Variants in LIN9 observed in about 807,000 individuals in gnomAD.
LIN9 encodes the protein protein lin-9 homolog.
Under a neutral mutation model 78.0 loss-of-function variants are expected in LIN9, and 18 were observed. The ratio of observed to expected loss-of-function variants is 0.23; its 90% CI spans 0.16 to 0.34. LIN9 has a LOEUF of 0.34. Among genes scored for constraint, LIN9 ranks in the 10% least tolerant of loss-of-function variants. The pLI is 1.00. For missense variants in LIN9, 451 were observed against 644.1 expected (o/e 0.70, Z 3.25); for synonymous variants, 192 against 215.2 (o/e 0.89, Z 0.94).
upstream of LIN9, chr1:226,309,528 C>G (rs899849968): frequency 4.5e-5 from 53 of 1,174,932 alleles, no homozygotes; most frequent in Non-Finnish European, 5.1e-5. Flanking sequence ...CTGTTTGTTC[C>G]GAGTGGAGAA....
At chr1:226,308,500 A>C (rs1472753672) in intron 1 of LIN9, among the ~76,000 whole-genome samples, 1 of 152,172 alleles carries the variant, frequency 6.6e-6, no homozygotes, top group African/African-American at 2.4e-5. Context: ...GTCCACAGCC[A>C]CCTGTGGTCC....
intron 12 of LIN9, among the ~76,000 whole-genome samples, chr1:226,234,751 C>T (rs1444454500): frequency 2.0e-5 from 3 of 152,130 alleles, no homozygotes; most frequent in African/African-American, 4.8e-5. Flanking sequence ...CTCACTTATA[C>T]ATATAGCATA....
chr1:226,276,594 A>G (rs1207298396), intron 7 of LIN9, among the ~76,000 whole-genome samples: 1 of 152,190 alleles, frequency 6.6e-6, no homozygotes, highest in Non-Finnish European at 1.5e-5. Flanking sequence ...GGAAACAAGT[A>G]CCACTTTTAT....
chr1:226,285,322 A>AT (rs902588389), intron 6 of LIN9, among the ~76,000 whole-genome samples: 3 of 152,100 alleles, frequency 2.0e-5, no homozygotes, highest in African/African-American at 7.2e-5. Context: ...ACTAAATAAC[A>AT]TATCAAATTT....
intron 6 of LIN9, among the ~76,000 whole-genome samples, chr1:226,279,973 C>T (rs1255245035): frequency 6.6e-6 from 1 of 152,134 alleles, no homozygotes; most frequent in East Asian, 1.9e-4. Context: ...AGTTCCATTT[C>T]AATATTCTAC....
At chr1:226,279,690 G>C (rs188334544) in intron 6 of LIN9, among the ~76,000 whole-genome samples, 1,915 of 137,376 alleles carry the variant, frequency 0.014, 22 homozygotes, top group Non-Finnish European at 0.02. Context: ...CGGGAGGATT[G>C]TTTGAGCCTG....
At chr1:226,263,671 A>G (rs1659738547) in intron 10 of LIN9, among the ~76,000 whole-genome samples, 1 of 152,242 alleles carries the variant, frequency 6.6e-6, no homozygotes, top group Non-Finnish European at 1.5e-5. Context: ...TTCTTTGTGA[A>G]AAGAATAAGT....
At chr1:226,273,063 TC>T (rs1350410829) in intron 7 of LIN9, among the ~76,000 whole-genome samples, 1 of 151,908 alleles carries the variant, frequency 6.6e-6, no homozygotes, top group Non-Finnish European at 1.5e-5. Flanking sequence ...TGCCTTGGCC[TC>T]CCCCAAAGTG....
At chr1:226,289,190 A>C (rs1661567504) in intron 4 of LIN9, among the ~76,000 whole-genome samples, 1 of 152,072 alleles carries the variant, frequency 6.6e-6, no homozygotes, top group Non-Finnish European at 1.5e-5. Context: ...AGCAGAGATC[A>C]CACCACTGCA....
chr1:226,232,806 G>C (rs975039075), intron 14 of LIN9, 200 bp from the exon 15 acceptor site: 30 of 497,882 alleles, frequency 6.0e-5, no homozygotes, highest in Non-Finnish European at 8.7e-5. Flanking sequence ...GGAGCCACGG[G>C]GGGCTGGAAG....
intron 11 of LIN9, among the ~76,000 whole-genome samples, chr1:226,241,209 C>G (rs1341425717): frequency 6.6e-6 from 1 of 152,224 alleles, no homozygotes; most frequent in Non-Finnish European, 1.5e-5. Context: ...ACCACTGGAT[C>G]ATCCGAAAGA....
intron 1 of LIN9, among the ~76,000 whole-genome samples, chr1:226,308,193 A>G (rs989641913): frequency 6.6e-6 from 1 of 152,190 alleles, no homozygotes; most frequent in Non-Finnish European, 1.5e-5. Flanking sequence ...GTCTTTTCAT[A>G]TAATTTATGC....
intron 6 of LIN9, among the ~76,000 whole-genome samples, chr1:226,283,785 T>C (rs556020445): frequency 2.6e-5 from 4 of 151,984 alleles, no homozygotes; most frequent in Non-Finnish European, 5.9e-5. Flanking sequence ...CCGTCTCTAC[T>C]AAAAATACAA....
intron 4 of LIN9, 76 bp downstream of exon 4, chr1:226,295,766 C>A: frequency 1.2e-6 from 1 of 864,564 alleles, no homozygotes. Context: ...CAAAATGTAA[C>A]AGAAATATAA....
chr1:226,253,207 G>C (rs1486807680), intron 10 of LIN9, among the ~76,000 whole-genome samples: 1 of 144,958 alleles, frequency 6.9e-6, no homozygotes, highest in Non-Finnish European at 1.5e-5. Flanking sequence ...AGGCTGTAGT[G>C]ATCTGTGATC....
At chr1:226,294,088 G>A (rs996487290) in intron 4 of LIN9, among the ~76,000 whole-genome samples, 17 of 151,330 alleles carry the variant, frequency 1.1e-4, no homozygotes, top group African/African-American at 3.2e-4. Flanking sequence ...TGAGTGGATC[G>A]CTTGAGGTCA....
At chr1:226,289,853 GGGT>G (rs1558198194) in intron 4 of LIN9, among the ~76,000 whole-genome samples, 1 of 75,628 alleles carries the variant, frequency 1.3e-5, no homozygotes, top group African/African-American at 4.6e-5. Context: ...GGGTGGGGGG[GGGT>G]GGGAAAGCTA....
chr1:226,231,453 T>A lies in LIN9; in HGVS notation c.*1048A>T, dbSNP rs1181363128. The A allele has an allele frequency of 6.6e-6, 1 of 152,492 alleles. No individual in the cohort carries two copies. Among genetic ancestry groups the A allele is most frequent in the African/African-American group, 2.4e-5 (1 of 41,428 alleles). The allele number at this position is 152,492 out of a possible 1,614,324, so 9.4% of individuals were successfully genotyped here. On this transcript the variant is annotated 3_prime_UTR_variant, in exon 15 of 15. Coordinates refer to ENST00000681046, the MANE Select transcript of LIN9 (RefSeq NM_001366245.2). Reference sequence around the variant, plus strand: ...TCTTAAACTCCAAATTTGAAAAAAATTTATATTTTGAGTTTATAATATTCT... The same window carrying A: ...TCTTAAACTCCAAATTTGAAAAAAAATTATATTTTGAGTTTATAATATTCT...
intron 11 of LIN9, 112 bp from the exon 12 acceptor site, chr1:226,239,208 A>G (rs1657939074): frequency 9.3e-7 from 1 of 1,076,432 alleles, no homozygotes; most frequent in South Asian, 1.4e-5. Context: ...AGGTTATTAA[A>G]TTTGTCTGTT....
Sources: allele counts gnomAD v4.1 joint callset (sites outside exome capture counted in the v4.1 genomes callset), GRCh38; gene constraint gnomAD v4.1.1; transcripts MANE v1.5; gene names NCBI Gene and HGNC (gene_info 2026-07-23, HGNC 2026-07-21).